RIMS2: variants seen among roughly 807,000 people sequenced by gnomAD.
The protein encoded by RIMS2 is regulating synaptic membrane exocytosis 2.
In RIMS2, 59 loss-of-function variants were observed where a neutral mutation model predicts 174.4. That is an observed-to-expected ratio of 0.34 (90% CI 0.27 to 0.42). The LOEUF (loss-of-function observed/expected upper bound fraction) is 0.42. Among genes scored for constraint, RIMS2 ranks in the 10% least tolerant of loss-of-function variants. The probability of loss-of-function intolerance (pLI) is 1.00; values close to 1 mark genes in which losing one functional copy is unlikely to be tolerated. For missense variants in RIMS2, 1,620 were observed against 1,666.3 expected, an observed-to-expected ratio of 0.97 and a Z score of 0.48; for synonymous variants, 606 against 572.5, an observed-to-expected ratio of 1.06 and a Z score of -0.84.
chr8:104,186,109 ATTATC>A (rs1452518101), intron 19 of RIMS2, among the ~76,000 whole-genome samples: 1 of 151,802 alleles, frequency 6.6e-6, no homozygotes, highest in Non-Finnish European at 1.5e-5. Flanking sequence ...ACTGGAGACT[ATTATC>A]TTAAGTGAAA....
chr8:103,752,813 T>G (rs537014786), intron 2 of RIMS2, among the ~76,000 whole-genome samples: 4 of 152,320 alleles, frequency 2.6e-5, no homozygotes, highest in East Asian at 1.9e-4. Context: ...AAGTTACTTA[T>G]CAGCTTAAGG....
chr8:103,506,149 T>A (rs928202425), intron 1 of RIMS2, among the ~76,000 whole-genome samples: 7 of 152,098 alleles, frequency 4.6e-5, no homozygotes, highest in African/African-American at 1.7e-4. Context: ...AAACTATAGT[T>A]TTTAAGGATT....
chr8:103,733,696 A>G (rs936779599), intron 2 of RIMS2, among the ~76,000 whole-genome samples: 1 of 152,160 alleles, frequency 6.6e-6, no homozygotes, highest in African/African-American at 2.4e-5. Context: ...TCATCAGGTC[A>G]GCACTGAGTT....
intron 3 of RIMS2, among the ~76,000 whole-genome samples, chr8:103,775,567 A>C (rs2098305676): frequency 6.6e-6 from 1 of 152,156 alleles, no homozygotes; most frequent in South Asian, 2.1e-4. Flanking sequence ...CTTGGTGCAT[A>C]TGATGAATGA....
intron 19 of RIMS2, among the ~76,000 whole-genome samples, chr8:104,076,383 G>T (rs761105094): frequency 4.6e-5 from 7 of 151,968 alleles, no homozygotes; most frequent in African/African-American, 1.7e-4. Context: ...CATCAAACTA[G>T]CATTTAAAAG....
intron 1 of RIMS2, among the ~76,000 whole-genome samples, chr8:103,648,908 G>T (rs192218460): frequency 6.6e-6 from 1 of 152,150 alleles, no homozygotes; most frequent in Non-Finnish European, 1.5e-5. Flanking sequence ...GCAATTTTGT[G>T]TCTTTTAATT....
chr8:103,855,926 G>A (rs141278414), intron 3 of RIMS2, among the ~76,000 whole-genome samples: 195 of 152,140 alleles, frequency 1.3e-3, no homozygotes, highest in African/African-American at 4.6e-3. Context: ...TTTTTGCCTT[G>A]ATGATCTGTC....
chr8:104,223,489 T>G (rs535624845), intron 19 of RIMS2: 66 of 1,379,718 alleles, frequency 4.8e-5, no homozygotes, highest in African/African-American at 2.9e-4. Context: ...GAAAGCCACG[T>G]CTCCTCCGGG....
chr8:104,250,672 A>G (rs559701544), intron 22 of RIMS2, among the ~76,000 whole-genome samples: 4 of 152,306 alleles, frequency 2.6e-5, no homozygotes, highest in Non-Finnish European at 4.4e-5. Context: ...ATGAAACAAT[A>G]TAGCTTCAAG....
At chr8:103,727,398 T>C in intron 2 of RIMS2, among the ~76,000 whole-genome samples, 1 of 152,232 alleles carries the variant, frequency 6.6e-6, no homozygotes, top group East Asian at 1.9e-4. Context: ...TCCAAATATG[T>C]TCTTCAATTC....
chr8:103,834,100 T>G (rs1400045936), intron 3 of RIMS2, among the ~76,000 whole-genome samples: 1 of 152,006 alleles, frequency 6.6e-6, no homozygotes, highest in African/African-American at 2.4e-5. Context: ...GCCTCAACCC[T>G]CTGGGCTCAA....
At chr8:103,845,393 G>T (rs937900261) in intron 3 of RIMS2, among the ~76,000 whole-genome samples, 3 of 151,982 alleles carry the variant, frequency 2.0e-5, no homozygotes, top group African/African-American at 2.4e-5. Flanking sequence ...GTTATTACTA[G>T]TGAAAACGAT....
At chr8:103,633,192 A>ATTTTTTTT (rs150376641) in intron 1 of RIMS2, among the ~76,000 whole-genome samples, 1 of 134,926 alleles carries the variant, frequency 7.4e-6, no homozygotes. Context: ...ACGCCCGGCT[A>ATTTTTTTT]TTTTTTTTTT....
At chr8:103,927,618 T>G (rs1470834405) in intron 10 of RIMS2, among the ~76,000 whole-genome samples, 1 of 151,546 alleles carries the variant, frequency 6.6e-6, no homozygotes, top group Admixed American at 6.6e-5. Flanking sequence ...AAAATTGGAT[T>G]ATACAAATTC....
chr8:103,838,502 A>G (rs1220197489), intron 3 of RIMS2, among the ~76,000 whole-genome samples: 2 of 152,134 alleles, frequency 1.3e-5, no homozygotes, highest in East Asian at 3.9e-4. Context: ...TATTTTCCAT[A>G]TTGGTTTCAA....
intron 17 of RIMS2, among the ~76,000 whole-genome samples, chr8:104,006,882 C>A (rs1218025110): frequency 4.6e-5 from 7 of 151,788 alleles, no homozygotes; most frequent in African/African-American, 1.7e-4. Flanking sequence ...CATTTCATTT[C>A]TGAGGCTGAA....
intron 2 of RIMS2, among the ~76,000 whole-genome samples, chr8:103,744,938 A>C (rs984493683): frequency 2.6e-5 from 4 of 152,316 alleles, no homozygotes; most frequent in Admixed American, 2.0e-4. Context: ...TGGGCTCAGG[A>C]TCTGCTTGTA....
chr8:103,670,907 AC>A (rs2096736084), intron 1 of RIMS2, among the ~76,000 whole-genome samples: 1 of 152,190 alleles, frequency 6.6e-6, no homozygotes, highest in African/African-American at 2.4e-5. Context: ...ATTTTCAGGT[AC>A]CTTTACAGTA....
At chr8:104,164,502 AAGAT>A (rs1251543778) in intron 19 of RIMS2, among the ~76,000 whole-genome samples, 6 of 152,208 alleles carry the variant, frequency 3.9e-5, no homozygotes, top group African/African-American at 1.4e-4. Context: ...TGAACAATGA[AAGAT>A]ATGCCATTTC....
Sources: gnomAD v4.1 joint callset for allele counts (sites outside exome capture counted in the v4.1 genomes callset) on GRCh38, gnomAD v4.1.1 for gene constraint, MANE v1.5 for transcripts, NCBI Gene and HGNC (gene_info 2026-07-23, HGNC 2026-07-21) for gene names.